The following ATMIN variants were observed in gnomAD, a reference collection of about 807,000 sequenced individuals.
ATMIN encodes the protein ATM interactor, also known as ATM INteracting protein.
A neutral mutation model predicts 49.2 loss-of-function variants in ATMIN; 24 were observed. That is an observed-to-expected ratio of 0.49 (90% CI 0.35 to 0.69). The LOEUF is 0.69. ATMIN is among the 30% of genes least tolerant of loss of function. The probability of loss-of-function intolerance (pLI) is 0.00; values close to 1 mark genes in which losing one functional copy is unlikely to be tolerated. For synonymous variants in ATMIN, 450 were observed against 392.5 expected, an observed-to-expected ratio of 1.15 and a Z score of -1.73; for missense variants, 1,037 against 1,005.5, an observed-to-expected ratio of 1.03 and a Z score of -0.42.
In ATMIN at chr16:81,044,763, A is replaced by C; in HGVS notation, c.2265A>C (p.Glu755Asp). The change falls in exon 4 of 4, where the codon GAA (glutamate) becomes GAC (aspartate). Residue 755 changes from glutamate to aspartate, a missense_variant. Coordinates refer to ENST00000299575, the MANE Select transcript of ATMIN (RefSeq NM_015251.3). The stretch of plus-strand genomic sequence containing the variant: ...CTGCTAAAAATATACCTGCTCTAGA[A>C]AGCAAAGTTCAGTTGAACAGTACAG... ...VSTAKNIPAL[E>D]SKVQLNSTET... 1 of 1,614,216 alleles carries C rather than the reference A, an allele frequency of 6.2e-7. No individual in the cohort carries two copies. The highest frequency in any genetic ancestry group is 8.5e-7 in the Non-Finnish European group (1 of 1,180,042).
In ATMIN at chr16:81,044,594, T is replaced by A; in HGVS notation, c.2096T>A (p.Met699Lys). ...RGNSNFLGLE[M>K]FDTQTQTDLN... Reference sequence around the variant, plus strand: ...AATTCTAACTTCTTAGGCCTTGAGATGTTTGACACACAGACACAGACAGAC... The same window carrying A: ...AATTCTAACTTCTTAGGCCTTGAGAAGTTTGACACACAGACACAGACAGAC... Residue 699 changes from methionine to lysine, a missense_variant, in exon 4 of 4, where the codon ATG becomes AAG. Coordinates refer to ENST00000299575, the MANE Select transcript of ATMIN (RefSeq NM_015251.3). 6.2e-7 allele frequency: 1 copy of A among 1,614,166 alleles called. No homozygotes were observed. The highest frequency in any genetic ancestry group is 8.5e-7 in the Non-Finnish European group (1 of 1,180,030).
rs922005667 is a variant in ATMIN at position 81,045,263 on chromosome 16, A to G, written c.*293A>G. ...AATGTATTTCATATCTATAAAACCT[A>G]TATAGCCATTTAGCTGAAGCCCAGC... On this transcript the variant is annotated 3_prime_UTR_variant, in exon 4 of 4. Transcript: ENST00000299575. The G allele has an allele frequency of 9.1e-6, 3 of 329,918 alleles. No homozygotes were observed. The South Asian group carries it at 1.7e-4, about 19-fold the overall frequency. The allele number at this position is 329,918 out of a possible 1,614,324, so 20.4% of individuals were successfully genotyped here. A position where few individuals can be genotyped will look rare whatever the true frequency, so the allele number is the denominator to read the frequency against.
chr16:81,046,189 C>G lies in ATMIN; in HGVS notation c.*1219C>G, dbSNP rs1971116460. On this transcript the variant is annotated 3_prime_UTR_variant, in exon 4 of 4. Coordinates refer to ENST00000299575, the MANE Select transcript of ATMIN (RefSeq NM_015251.3). ...CCCCAAGTGCATCCACAAGCTGGAT[C>G]TGAGTTTTGTCACTCTAAAATTAAA... 1 of 152,058 alleles carries G rather than the reference C, an allele frequency of 6.6e-6. No individual in the cohort carries two copies. The highest frequency in any genetic ancestry group is 2.4e-5 in the African/African-American group (1 of 41,396). 9.4% of individuals were successfully genotyped at this position (152,058 alleles called of 1,614,324 possible). A position where few individuals can be genotyped will look rare whatever the true frequency, so the allele number is the denominator to read the frequency against.
rs1971132892 is a variant in ATMIN at position 81,046,999 on chromosome 16, C to A, written c.*2029C>A. On this transcript the variant is annotated 3_prime_UTR_variant, in exon 4 of 4. Transcript: ENST00000299575. ...CATCACTGCCTTAATATTCAAGCAT[C>A]TATTTAAGTCCTAATAAAGGAGAAA... The A allele has an allele frequency of 6.6e-6, 1 of 152,624 alleles. No homozygotes were observed. The highest frequency in any genetic ancestry group is 1.5e-5 in the Non-Finnish European group (1 of 68,044). 9.5% of individuals were successfully genotyped at this position (152,624 alleles called of 1,614,324 possible).
At chr16:81,036,674 G>A (rs954803200) in intron 1 of ATMIN, among the ~76,000 whole-genome samples, 2 of 152,182 alleles carry the variant, frequency 1.3e-5, no homozygotes, top group African/African-American at 4.8e-5. Flanking sequence ...GCCGCCCTTG[G>A]GTCCTGCCCA....
intron 1 of ATMIN, among the ~76,000 whole-genome samples, chr16:81,038,165 C>G (rs543032209): frequency 3.3e-5 from 5 of 152,076 alleles, no homozygotes; most frequent in African/African-American, 4.8e-5. Context: ...GAGTCTCACT[C>G]TGTCGCCCAG....
chr16:81,037,198 G>A (rs1419679231), intron 1 of ATMIN: 4 of 985,326 alleles, frequency 4.1e-6, no homozygotes, highest in Non-Finnish European at 4.8e-6. Flanking sequence ...GGCCAGCAGT[G>A]ACATAATTCA....
chr16:81,044,838 C>T lies in ATMIN; in HGVS notation c.2340C>T (p.Phe780=), dbSNP rs370921278. The stretch of plus-strand genomic sequence containing the variant: ...TTGAAACCCTGGGGAGCTTGTTCTT[C>T]ACCAGCAACGAAACTCAGACAGCAA... ...SGFETLGSLF[F]TSNETQTAMD... Residue 780 remains phenylalanine, a synonymous_variant, in exon 4 of 4, where the codon TTC becomes TTT. Coordinates refer to ENST00000299575, the MANE Select transcript of ATMIN (RefSeq NM_015251.3). 2.1e-5 allele frequency: 34 copies of T among 1,614,086 alleles called. No individual in the cohort carries two copies. The highest frequency in any genetic ancestry group is 2.9e-5 in the Non-Finnish European group (34 of 1,180,046).
At position 81,046,219 on chromosome 16, in the gene ATMIN, A is replaced by G. The variant is rs192651645; in HGVS notation, c.*1249A>G. The G allele has an allele frequency of 1.3e-5, 2 of 152,236 alleles. No individual in the cohort carries two copies. Among genetic ancestry groups the G allele is most frequent in the Non-Finnish European group, 2.9e-5 (2 of 68,012 alleles). 9.4% of individuals were successfully genotyped at this position (152,236 alleles called of 1,614,324 possible). Reference sequence around the variant, plus strand: ...TTTTGTCACTCTAAAATTAAACAAGAAAAAAAGTGGGAAAAGGGCATCCCC... The same window carrying G: ...TTTTGTCACTCTAAAATTAAACAAGGAAAAAAGTGGGAAAAGGGCATCCCC... On this transcript the variant is annotated 3_prime_UTR_variant, in exon 4 of 4. Coordinates refer to ENST00000299575, the MANE Select transcript of ATMIN (RefSeq NM_015251.3).
At chr16:81,041,273 T>C in intron 1 of ATMIN, 83 bp from the exon 2 acceptor site, 1 of 1,423,578 alleles carries the variant, frequency 7.0e-7, no homozygotes, top group Admixed American at 2.3e-5. Context: ...CAAAATGTGC[T>C]CGTTTTCAGT....
intron 1 of ATMIN, 34 bp downstream of exon 1, chr16:81,036,240 G>C: frequency 1.5e-6 from 2 of 1,316,044 alleles, no homozygotes; most frequent in African/African-American, 1.6e-5. Flanking sequence ...CCGGGGGGCC[G>C]GGCCTGGCTC....
At chr16:81,039,654 A>C (rs1044641264) in intron 1 of ATMIN, among the ~76,000 whole-genome samples, 10 of 152,210 alleles carry the variant, frequency 6.6e-5, no homozygotes, top group African/African-American at 2.4e-4. Context: ...AGCAGAAGTA[A>C]ATGTACATTT....
At position 81,042,661 on chromosome 16, in the gene ATMIN, ATC is replaced by A. The variant is rs1460785371; in HGVS notation, c.662+183_662+184del. On this transcript the variant is annotated intron_variant, in intron 3 of 3. Transcript: ENST00000299575. ...CAAATGACACATGTCTGGGCCTGAA[ATC>A]TTGACCCAATTGTTCCCCCTATTTT... Among the ~76,000 whole-genome samples, 4 of 152,224 alleles carry A rather than the reference ATC, an allele frequency of 2.6e-5. No individual in the cohort carries two copies. The South Asian group carries it at 8.3e-4, about 31-fold the overall frequency.
rs773253100 is a variant in ATMIN at position 81,044,062 on chromosome 16, C to T, written c.1564C>T (p.His522Tyr). The change falls in exon 4 of 4, where the codon CAT becomes TAT. Residue 522 changes from histidine (H) to tyrosine (Y), a missense_variant. Coordinates refer to ENST00000299575, the MANE Select transcript of ATMIN (RefSeq NM_015251.3). ...GMCGDIFESVHSSYNVATGNI... is the reference protein window; with the variant it reads ...GMCGDIFESVYSSYNVATGNI... ...GTGCGGAGACATTTTTGAGAGTGTT[C>T]ATTCATCATATAATGTTGCTACAGG... The T allele has an allele frequency of 6.2e-7, 1 of 1,614,106 alleles. No individual in the cohort carries two copies. Among genetic ancestry groups the T allele is most frequent in the South Asian group, 1.1e-5 (1 of 91,050 alleles).
chr16:81,041,657 C>T, intron 2 of ATMIN, 176 bp downstream of exon 2: 1 of 709,802 alleles, frequency 1.4e-6, no homozygotes, highest in Non-Finnish European at 2.3e-6. Flanking sequence ...GGAAAAGCGG[C>T]ACGGTCTGGA....
chr16:81,041,182 C>T, intron 1 of ATMIN, 174 bp from the exon 2 acceptor site: 1 of 604,930 alleles, frequency 1.7e-6, no homozygotes, highest in African/African-American at 1.9e-5. Flanking sequence ...GTATTCTCAC[C>T]ACATTTCGTT....
In ATMIN at chr16:81,036,052, C is replaced by G. The variant is rs1970922163; in HGVS notation, c.182C>G (p.Pro61Arg). ...GGGGCGACGCAGCAGCCCGCTGTCC[C>G]CGCGCCGCCGGCGGGGGAGCTGATC... ...PAGATQQPAVPAPPAGELIQP... is the reference protein window; with the variant it reads ...PAGATQQPAVRAPPAGELIQP... Residue 61 changes from proline (P) to arginine (R), a missense_variant, in exon 1 of 4, where the codon CCC becomes CGC. Coordinates refer to ENST00000299575, the MANE Select transcript of ATMIN (RefSeq NM_015251.3). The G allele has an allele frequency of 1.6e-6, 2 of 1,258,736 alleles. No individual in the cohort carries two copies. Among genetic ancestry groups the G allele is most frequent in the Non-Finnish European group, 2.0e-6 (2 of 993,904 alleles). 78.0% of individuals were successfully genotyped at this position (1,258,736 alleles called of 1,614,324 possible). A position where few individuals can be genotyped will look rare whatever the true frequency, so the allele number is the denominator to read the frequency against.
chr16:81,043,374 G>T lies in ATMIN; in HGVS notation c.876G>T (p.Gln292His). ...TTACAACACCACCGAGATATCCTCA[G>T]AAGTTGCTTTTACCAAAGCCCAAAG... Reference protein sequence around the residue: ...QTLTTPPRYPQKLLLPKPKVA... With the variant: ...QTLTTPPRYPHKLLLPKPKVA... The change falls in exon 4 of 4, where the codon CAG (glutamine) becomes CAT (histidine). Residue 292 changes from glutamine to histidine, a missense_variant. Gln to His is a conservative substitution (Grantham distance 24). Transcript: ENST00000299575. 6.2e-7 allele frequency: 1 copy of T among 1,614,056 alleles called. No homozygotes were observed. Among genetic ancestry groups the T allele is most frequent in the South Asian group, 1.1e-5 (1 of 91,058 alleles).
intron 2 of ATMIN, chr16:81,041,801 A>AG (rs1971041465): frequency 4.3e-6 from 1 of 235,140 alleles, no homozygotes; most frequent in African/African-American, 2.3e-5. Flanking sequence ...AAAGGCACAA[A>AG]GGAACTGTTC....
Sources: allele counts gnomAD v4.1 joint callset (sites outside exome capture counted in the v4.1 genomes callset), GRCh38; gene constraint gnomAD v4.1.1; transcripts MANE v1.5; gene names NCBI Gene and HGNC (gene_info 2026-07-23, HGNC 2026-07-21).